Variants in UGT1A5 observed in about 807,000 individuals in gnomAD.
The protein encoded by UGT1A5 is UDP-glucuronosyltransferase 1A5.
A neutral mutation model predicts 40.3 loss-of-function variants in UGT1A5; 29 were observed. That is an observed-to-expected ratio of 0.72 (90% CI 0.54 to 0.98). UGT1A5 has a LOEUF of 0.98. UGT1A5 is among the 50% of genes least tolerant of loss of function. The pLI is 0.00. For synonymous variants in UGT1A5, 257 were observed against 262.5 expected (o/e 0.98, Z 0.20); for missense variants, 678 against 677.9 (o/e 1.00, Z 0.00).
intron 1 of UGT1A5, among the ~76,000 whole-genome samples, chr2:233,757,890 C>A (rs1243643076): frequency 6.6e-6 from 1 of 152,110 alleles, no homozygotes; most frequent in Non-Finnish European, 1.5e-5. Flanking sequence ...GTTCCAGAAA[C>A]ACTTTCCATG....
At chr2:233,767,000 A>C (rs750045241) in intron 1 of UGT1A5, 34 bp from the exon 2 acceptor site, 2 of 1,613,618 alleles carry the variant, frequency 1.2e-6, no homozygotes, top group Non-Finnish European at 1.7e-6. Flanking sequence ...GAATATGAGA[A>C]AAAATTAACT....
intron 1 of UGT1A5, chr2:233,740,801 T>C (rs1183144283): frequency 3.3e-5 from 5 of 152,052 alleles, no homozygotes; most frequent in African/African-American, 1.2e-4. Context: ...TAACAGGCTC[T>C]AGCACTGTTC....
intron 1 of UGT1A5, among the ~76,000 whole-genome samples, chr2:233,735,103 C>T (rs4467260): frequency 0.55 from 84,293 of 151,900 alleles, 25,602 homozygotes; most frequent in African/African-American, 0.82. Context: ...TGTCTAATAT[C>T]GACAGTGGGA....
intron 1 of UGT1A5, chr2:233,743,449 G>C (rs771301493): frequency 7.3e-7 from 1 of 1,365,064 alleles, no homozygotes; most frequent in South Asian, 1.1e-5. Flanking sequence ...TGTATCAAAA[G>C]AAGAAAAAAC....
chr2:233,749,178 ACTT>A (rs1418442763), intron 1 of UGT1A5, among the ~76,000 whole-genome samples: 1 of 151,644 alleles, frequency 6.6e-6, no homozygotes, highest in Non-Finnish European at 1.5e-5. Flanking sequence ...TTATTTCTGT[ACTT>A]CTTTTTATTA....
Position 233,760,349 on chromosome 2 carries a change from G to C in UGT1A5, c.868-6685G>C. On this transcript the variant is annotated intron_variant, in intron 1 of 4. Coordinates refer to ENST00000373414, the MANE Select transcript of UGT1A5 (RefSeq NM_019078.2). ...CTGGGCCTGCTGCTGTGTGTGCTGG[G>C]CCCAGTGGTGTCCCATGCTGGGAAG... is the stretch of plus-strand genomic sequence containing the variant. 4 of 1,614,050 alleles carry C rather than the reference G, an allele frequency of 2.5e-6. No homozygotes were observed. The Middle Eastern group carries it at 5.0e-4, about 200-fold the overall frequency.
Position 233,741,236 on chromosome 2 carries a change from A to C in UGT1A5, c.868-25798A>C, listed in dbSNP as rs1691598221. ...AGTTGTTACAGACCCACTACCTCTG[A>C]GTGACACTGGTATGCCACTCTTTGC... On this transcript the variant is annotated intron_variant, in intron 1 of 4. Coordinates refer to ENST00000373414, the MANE Select transcript of UGT1A5 (RefSeq NM_019078.2). 1.3e-5 allele frequency among the ~76,000 whole-genome samples: 2 copies of C among 151,870 alleles called. 1 individual carries two copies. The highest frequency in any genetic ancestry group is 4.9e-5 in the African/African-American group (2 of 41,122).
intron 1 of UGT1A5, among the ~76,000 whole-genome samples, chr2:233,739,658 C>G (rs1397600161): frequency 6.6e-6 from 1 of 152,228 alleles, no homozygotes; most frequent in Non-Finnish European, 1.5e-5. Context: ...TCTGTACCCC[C>G]ATTGTGTCTT....
At chr2:233,746,220 C>T (rs753695127) in intron 1 of UGT1A5, among the ~76,000 whole-genome samples, 8 of 151,652 alleles carry the variant, frequency 5.3e-5, no homozygotes, top group African/African-American at 2.0e-4. Context: ...ATAGCAAGGA[C>T]AGATATGCAA....
chr2:233,766,982 T>C (rs1699301954), intron 1 of UGT1A5, 52 bp from the exon 2 acceptor site: 9 of 1,612,798 alleles, frequency 5.6e-6, no homozygotes, highest in Non-Finnish European at 7.6e-6. Context: ...CTGTATGTAG[T>C]CATCAAAGAA....
intron 1 of UGT1A5, among the ~76,000 whole-genome samples, chr2:233,722,482 A>G (rs1187534654): frequency 6.6e-6 from 1 of 151,926 alleles, no homozygotes; most frequent in Non-Finnish European, 1.5e-5. Context: ...TATTCTTTTC[A>G]CTGTTTCATT....
At chr2:233,727,536 T>C (rs2077625396) in intron 1 of UGT1A5, among the ~76,000 whole-genome samples, 1 of 152,154 alleles carries the variant, frequency 6.6e-6, no homozygotes, top group East Asian at 1.9e-4. Context: ...ACCAGGCGTG[T>C]TCCACCCGTC....
rs143192680 is a variant in UGT1A5, at chr2:233,767,666, C to G, written c.1000-183C>G. 1.9e-3 allele frequency among the ~76,000 whole-genome samples: 295 copies of G among 152,308 alleles called. 3 individuals carry two copies. The highest frequency in any genetic ancestry group is 0.013 in the Admixed American group (199 of 15,308). On this transcript the variant is annotated intron_variant, in intron 2 of 4. Coordinates refer to ENST00000373414, the MANE Select transcript of UGT1A5 (RefSeq NM_019078.2). ...TCACGTAGTGCATACACCCTTGTAA[C>G]TAAACCTCCAAAACAAGATGCCGGA...
chr2:233,760,473 T>TGAC, intron 1 of UGT1A5: 1 of 1,614,230 alleles, frequency 6.2e-7, no homozygotes, highest in Non-Finnish European at 8.5e-7. Context: ...TCCTAGCACC[T>TGAC]GACGCCTCGT....
intron 1 of UGT1A5, chr2:233,729,538 A>G: frequency 6.2e-7 from 1 of 1,614,196 alleles, no homozygotes; most frequent in Non-Finnish European, 8.5e-7. Context: ...TGAGGCCCTG[A>G]TCAGGCACCT....
In UGT1A5 at chr2:233,761,134, C is replaced by T. The variant is rs1160983011; in HGVS notation, c.868-5900C>T. ...TGTTGGTGGAATCAACTGCCTTCAC[C>T]AAAATCCACTATCCCAGGTGTGTAT... On this transcript the variant is annotated intron_variant, in intron 1 of 4. Coordinates refer to ENST00000373414, the MANE Select transcript of UGT1A5 (RefSeq NM_019078.2). 3.7e-6 allele frequency: 6 copies of T among 1,614,160 alleles called. No homozygotes were observed. Among genetic ancestry groups the T allele is most frequent in the Non-Finnish European group, 5.1e-6 (6 of 1,180,024 alleles).
intron 1 of UGT1A5, among the ~76,000 whole-genome samples, chr2:233,735,334 C>G (rs2078639542): frequency 6.6e-6 from 1 of 152,026 alleles, no homozygotes; most frequent in South Asian, 2.1e-4. Flanking sequence ...ATTGCAACCC[C>G]TGCTTTTTTT....
chr2:233,757,545 T>TAC (rs1696610377), intron 1 of UGT1A5, among the ~76,000 whole-genome samples: 1 of 65,910 alleles, frequency 1.5e-5, no homozygotes, highest in African/African-American at 6.3e-5. Flanking sequence ...AATATATATA[T>TAC]ATATATATAT....
At chr2:233,721,960 C>T (rs1451442722) in intron 1 of UGT1A5, 10 of 313,544 alleles carry the variant, frequency 3.2e-5, no homozygotes, top group South Asian at 1.1e-4. Context: ...TTTGTATATG[C>T]ATACATTGAT....
Sources: allele counts gnomAD v4.1 joint callset (sites outside exome capture counted in the v4.1 genomes callset), GRCh38; gene constraint gnomAD v4.1.1; transcripts MANE v1.5; gene names NCBI Gene and HGNC (gene_info 2026-07-23, HGNC 2026-07-21).